SIL1: variants seen among roughly 807,000 people sequenced by gnomAD.
SIL1 encodes the protein SIL1 nucleotide exchange factor.
In SIL1, 40 loss-of-function variants were observed where a neutral mutation model predicts 49.1. The ratio of observed to expected loss-of-function variants is 0.81; its 90% confidence interval spans 0.63 to 1.06. SIL1 has a LOEUF of 1.06. SIL1 is among the 50% of genes least tolerant of loss of function. The probability of loss-of-function intolerance (pLI) is 0.00; values close to 1 mark genes in which losing one functional copy is unlikely to be tolerated. For synonymous variants in SIL1, 253 were observed against 250.8 expected, an observed-to-expected ratio of 1.01 and a Z score of -0.08; for missense variants, 500 against 572.6, an observed-to-expected ratio of 0.87 and a Z score of 1.29.
chr5:139,073,302 A>G (rs1334310856), intron 3 of SIL1, among the ~76,000 whole-genome samples: 3 of 152,218 alleles, frequency 2.0e-5, no homozygotes, highest in Admixed American at 2.0e-4. Context: ...AATCATCCTC[A>G]ATCTCCATCA....
At chr5:139,105,236 G>C (rs1308621301) in intron 3 of SIL1, among the ~76,000 whole-genome samples, 4 of 152,168 alleles carry the variant, frequency 2.6e-5, no homozygotes, top group African/African-American at 9.7e-5. Context: ...GGTGGTGGTC[G>C]GCAACTGGAA....
At chr5:138,980,057 C>T (rs1367482172) in intron 7 of SIL1, among the ~76,000 whole-genome samples, 1 of 152,202 alleles carries the variant, frequency 6.6e-6, no homozygotes, top group Non-Finnish European at 1.5e-5. Flanking sequence ...CAGCAACACC[C>T]CCAAAGGGGG....
chr5:139,072,786 G>A (rs1769862871), intron 3 of SIL1, among the ~76,000 whole-genome samples: 1 of 152,116 alleles, frequency 6.6e-6, no homozygotes, highest in Admixed American at 6.6e-5. Context: ...TCTACAGAAT[G>A]GGAGAAAATA....
chr5:139,027,731 T>C (rs1193457527), intron 5 of SIL1, among the ~76,000 whole-genome samples: 1 of 152,190 alleles, frequency 6.6e-6, no homozygotes, highest in Non-Finnish European at 1.5e-5. Flanking sequence ...TCTTCCCAAT[T>C]TGAGAAGATA....
chr5:139,144,458 CAT>C (rs1383147584), intron 1 of SIL1, among the ~76,000 whole-genome samples: 9 of 152,172 alleles, frequency 5.9e-5, no homozygotes, highest in African/African-American at 2.2e-4. Context: ...TAAGGATAAA[CAT>C]ATAGACCAAT....
chr5:139,091,221 TAA>T (rs1220850043), intron 3 of SIL1, among the ~76,000 whole-genome samples: 8 of 151,684 alleles, frequency 5.3e-5, no homozygotes, highest in South Asian at 2.1e-4. Context: ...TATGCAAAAA[TAA>T]AAAGTTTTAT....
intron 4 of SIL1, among the ~76,000 whole-genome samples, chr5:139,048,547 T>C (rs916790825): frequency 2.0e-5 from 3 of 151,938 alleles, no homozygotes; most frequent in African/African-American, 7.3e-5. Context: ...AGCTAATTTT[T>C]ATATGTTTTG....
rs555234871 is a variant in SIL1, at chr5:139,065,537, A to G, written c.245-14491T>C. On this transcript the variant is annotated intron_variant, in intron 3 of 9. Transcript: ENST00000394817. ...ACCCTGCTCTGGGTTTCTGCTCCTC[A>G]GAGGGCTGTGCTGACAGGTGCCCAC... Among the ~76,000 whole-genome samples the G allele has an allele frequency of 7.2e-5, 11 of 152,352 alleles. No homozygotes were observed. In the East Asian group the frequency reaches 2.1e-3, roughly 29 times the overall value.
At chr5:138,985,938 C>T (rs1561816244) in intron 7 of SIL1, among the ~76,000 whole-genome samples, 2 of 152,222 alleles carry the variant, frequency 1.3e-5, no homozygotes, top group Non-Finnish European at 2.9e-5. Flanking sequence ...ATGTTCTGTA[C>T]TAACAGGCTC....
At chr5:138,997,197 T>C (rs1767889277) in intron 7 of SIL1, among the ~76,000 whole-genome samples, 1 of 152,258 alleles carries the variant, frequency 6.6e-6, no homozygotes, top group South Asian at 2.1e-4. Context: ...CCCCAAATGC[T>C]GGAATTACAG....
At chr5:139,161,390 T>A (rs1443883486) in intron 1 of SIL1, among the ~76,000 whole-genome samples, 1 of 152,136 alleles carries the variant, frequency 6.6e-6, no homozygotes, top group African/African-American at 2.4e-5. Flanking sequence ...CTAAGTCAGG[T>A]TAAAGGTAAC....
chr5:139,113,728 G>A (rs1770927773), intron 3 of SIL1, among the ~76,000 whole-genome samples: 2 of 152,198 alleles, frequency 1.3e-5, no homozygotes, highest in Admixed American at 6.5e-5. Flanking sequence ...GAGATGCCCT[G>A]GGCTGTCTTG....
chr5:139,167,640 A>G (rs1309914823), intron 1 of SIL1, among the ~76,000 whole-genome samples: 2 of 152,246 alleles, frequency 1.3e-5, no homozygotes, highest in African/African-American at 4.8e-5. Context: ...TATTACAGTA[A>G]GCTACAGCTA....
chr5:138,960,125 C>T (rs577634598), intron 7 of SIL1, among the ~76,000 whole-genome samples: 1 of 152,302 alleles, frequency 6.6e-6, no homozygotes, highest in African/African-American at 2.4e-5. Flanking sequence ...AGTTTAATAA[C>T]AATAAAATTT....
At chr5:139,117,388 G>T (rs1278407385) in intron 3 of SIL1, among the ~76,000 whole-genome samples, 2 of 152,208 alleles carry the variant, frequency 1.3e-5, no homozygotes, top group African/African-American at 4.8e-5. Flanking sequence ...TATAGCACCT[G>T]CCCTCAAAGG....
At chr5:139,186,498 A>G (rs185930843) in intron 1 of SIL1, among the ~76,000 whole-genome samples, 6 of 152,278 alleles carry the variant, frequency 3.9e-5, no homozygotes, top group African/African-American at 1.4e-4. Context: ...GAGATTATGA[A>G]TATCTGGCCT....
intron 3 of SIL1, among the ~76,000 whole-genome samples, chr5:139,091,552 G>A (rs978538122): frequency 1.3e-5 from 2 of 152,218 alleles, no homozygotes; most frequent in African/African-American, 4.8e-5. Context: ...CTTTGCAGGC[G>A]AGACTAGGGA....
chr5:139,175,625 G>A (rs1162997991), intron 1 of SIL1, among the ~76,000 whole-genome samples: 1 of 152,176 alleles, frequency 6.6e-6, no homozygotes, highest in Non-Finnish European at 1.5e-5. Flanking sequence ...TATTCTCTGA[G>A]GCCAGCGTTA....
intron 3 of SIL1, among the ~76,000 whole-genome samples, chr5:139,053,560 C>T (rs1769339241): frequency 6.6e-6 from 1 of 152,220 alleles, no homozygotes; most frequent in African/African-American, 2.4e-5. Flanking sequence ...TGAAAATCCT[C>T]ACCCTGGTCC....
Sources: gnomAD v4.1 joint callset for allele counts (sites outside exome capture counted in the v4.1 genomes callset) on GRCh38, gnomAD v4.1.1 for gene constraint, MANE v1.5 for transcripts, NCBI Gene and HGNC (gene_info 2026-07-23, HGNC 2026-07-21) for gene names.